POC1B: variants seen among roughly 807,000 people sequenced by gnomAD.
POC1B encodes POC1 centriolar protein homolog B.
Under a neutral mutation model 60.6 loss-of-function variants are expected in POC1B, and 44 were observed. The ratio of observed to expected loss-of-function variants is 0.73; its 90% CI spans 0.57 to 0.93. The LOEUF (loss-of-function observed/expected upper bound fraction) is 0.93. Ranked by LOEUF, POC1B falls within the 40% of genes least tolerant of loss-of-function variation. The pLI is 0.00. For synonymous variants in POC1B, 180 were observed against 198.9 expected (o/e 0.90, Z 0.80); for missense variants, 555 against 572.3 (o/e 0.97, Z 0.31).
rs184237461 is a variant in POC1B at position 89,504,290 on chromosome 12, G to A, written c.101-6948C>T. 5.3e-5 allele frequency among the ~76,000 whole-genome samples: 8 copies of A among 152,336 alleles called. No homozygotes were observed. In the East Asian group the frequency reaches 1.2e-3, roughly 22 times the overall value. ...GATTCTTCTGCTTTGGGATGCTGTT[G>A]ATCTATGACCTTGCCCCCAACCCTG... On this transcript the variant is annotated intron_variant, in intron 2 of 11. Transcript: ENST00000313546.
chr12:89,436,583 A>G (rs1455296718), intron 10 of POC1B, among the ~76,000 whole-genome samples: 1 of 152,068 alleles, frequency 6.6e-6, no homozygotes, highest in Non-Finnish European at 1.5e-5. Flanking sequence ...GCTTGGTGGC[A>G]TGTGCCTGTA....
At chr12:89,460,144 C>A in intron 9 of POC1B, 2 of 228,002 alleles carry the variant, frequency 8.8e-6, no homozygotes, top group Non-Finnish European at 1.8e-5. Context: ...ATTGCTAAAT[C>A]ATTAGAATAG....
At chr12:89,508,196 C>CT (rs1238846299) in intron 2 of POC1B, among the ~76,000 whole-genome samples, 1 of 152,218 alleles carries the variant, frequency 6.6e-6, no homozygotes, top group Non-Finnish European at 1.5e-5. Context: ...TTTTGCCTCT[C>CT]TATCTTGCTT....
intron 10 of POC1B, among the ~76,000 whole-genome samples, chr12:89,435,350 T>A (rs994973669): frequency 6.6e-6 from 1 of 152,062 alleles, no homozygotes; most frequent in African/African-American, 2.4e-5. Flanking sequence ...CCAGCTAGTT[T>A]TTGTATTTTT....
intron 10 of POC1B, among the ~76,000 whole-genome samples, chr12:89,441,970 G>A (rs1881544762): frequency 1.3e-5 from 2 of 152,200 alleles, no homozygotes; most frequent in South Asian, 4.1e-4. Context: ...GCACGCACAA[G>A]CTTCAGTAGC....
chr12:89,457,058 C>G (rs892632781), intron 10 of POC1B, among the ~76,000 whole-genome samples: 2 of 152,118 alleles, frequency 1.3e-5, no homozygotes, highest in Admixed American at 1.3e-4. Context: ...TCAAAAGAAA[C>G]AGTAACTACA....
At chr12:89,436,814 C>A (rs1293772370) in intron 10 of POC1B, among the ~76,000 whole-genome samples, 1 of 152,116 alleles carries the variant, frequency 6.6e-6, no homozygotes, top group African/African-American at 2.4e-5. Flanking sequence ...TAGATCATCT[C>A]TTTATCATAA....
chr12:89,447,525 T>C (rs1881839528), intron 10 of POC1B, among the ~76,000 whole-genome samples: 1 of 152,124 alleles, frequency 6.6e-6, no homozygotes, highest in Non-Finnish European at 1.5e-5. Context: ...TTCAACTGAT[T>C]TTCCAAAGCA....
chr12:89,475,662 T>G (rs1883073821), intron 4 of POC1B, among the ~76,000 whole-genome samples: 1 of 152,128 alleles, frequency 6.6e-6, no homozygotes, highest in African/African-American at 2.4e-5. Flanking sequence ...TTTTAAGAAT[T>G]TAAAGAGGAT....
intron 2 of POC1B, chr12:89,521,963 A>C: frequency 2.5e-6 from 1 of 398,986 alleles, no homozygotes; most frequent in Admixed American, 4.4e-5. Flanking sequence ...ACTTTAAATG[A>C]TTAAGCATTA....
chr12:89,423,302 A>T (rs770376), intron 11 of POC1B, among the ~76,000 whole-genome samples: 99,581 of 151,942 alleles, frequency 0.66, 33,035 homozygotes, highest in East Asian at 0.87. Context: ...ACTGTCTCTA[A>T]ATAATAAAGA....
intron 4 of POC1B, among the ~76,000 whole-genome samples, chr12:89,478,112 TTCA>T (rs1883187450): frequency 6.6e-6 from 1 of 150,410 alleles, no homozygotes; most frequent in Non-Finnish European, 1.5e-5. Flanking sequence ...CATTCATTCA[TTCA>T]TTCATTCATT....
At chr12:89,460,882 G>C (rs1882459332) in intron 9 of POC1B, 1 of 152,042 alleles carries the variant, frequency 6.6e-6, no homozygotes, top group Non-Finnish European at 1.5e-5. Flanking sequence ...TTCAGAATTT[G>C]AAAAGACATA....
At chr12:89,477,094 T>C (rs898103032) in intron 4 of POC1B, among the ~76,000 whole-genome samples, 1 of 152,176 alleles carries the variant, frequency 6.6e-6, no homozygotes, top group African/African-American at 2.4e-5. Flanking sequence ...CATTTCCTAT[T>C]TGTATAATGA....
intron 2 of POC1B, chr12:89,522,841 T>C: frequency 6.3e-7 from 1 of 1,588,510 alleles, no homozygotes; most frequent in Non-Finnish European, 8.6e-7. Flanking sequence ...AATTTGATTT[T>C]TATCTAGAGC....
At chr12:89,449,632 C>T (rs1293101652) in intron 10 of POC1B, among the ~76,000 whole-genome samples, 2 of 152,042 alleles carry the variant, frequency 1.3e-5, no homozygotes, top group South Asian at 4.1e-4. Context: ...AATCGACATT[C>T]CAATGGGATG....
At chr12:89,429,766 A>T (rs1248282144) in intron 10 of POC1B, among the ~76,000 whole-genome samples, 1 of 152,218 alleles carries the variant, frequency 6.6e-6, no homozygotes, top group Non-Finnish European at 1.5e-5. Context: ...ACAGAACATA[A>T]GCAAACACAT....
At chr12:89,486,458 C>A (rs1235496134) in intron 4 of POC1B, among the ~76,000 whole-genome samples, 3 of 152,120 alleles carry the variant, frequency 2.0e-5, no homozygotes, top group Admixed American at 6.5e-5. Context: ...GTCATTCACA[C>A]TTGAGGAGAC....
chr12:89,513,557 T>C (rs1870290207), intron 2 of POC1B, among the ~76,000 whole-genome samples: 1 of 152,212 alleles, frequency 6.6e-6, no homozygotes, highest in South Asian at 2.1e-4. Context: ...TAACAGGCTT[T>C]TACTGTTTGT....
Sources: allele counts gnomAD v4.1 joint callset (sites outside exome capture counted in the v4.1 genomes callset), GRCh38; gene constraint gnomAD v4.1.1; transcripts MANE v1.5; gene names NCBI Gene and HGNC (gene_info 2026-07-23, HGNC 2026-07-21).